Variants in CHST15 observed in about 807,000 individuals in gnomAD.
CHST15 encodes B cell RAG associated protein (GALNAC4S-6ST).
A neutral mutation model predicts 53.6 loss-of-function variants in CHST15; 30 were observed. The ratio of observed to expected loss-of-function variants is 0.56; its 90% CI spans 0.42 to 0.76. The LOEUF is 0.76. Ranked by LOEUF, CHST15 falls within the 30% of genes least tolerant of loss-of-function variation. The pLI is 0.00. For missense variants in CHST15, 627 were observed against 740.5 expected, an observed-to-expected ratio of 0.85 and a Z score of 1.78; for synonymous variants, 296 against 289.8, an observed-to-expected ratio of 1.02 and a Z score of -0.22.
intron 1 of CHST15, among the ~76,000 whole-genome samples, chr10:124,054,970 A>G (rs1590288243): frequency 6.6e-6 from 1 of 152,096 alleles, no homozygotes; most frequent in African/African-American, 2.4e-5. Context: ...TGGGAGGAGT[A>G]CCCTTCCCCT....
intron 1 of CHST15, among the ~76,000 whole-genome samples, chr10:124,072,849 C>G (rs1047394787): frequency 6.6e-6 from 1 of 152,206 alleles, no homozygotes; most frequent in Non-Finnish European, 1.5e-5. Flanking sequence ...ATCCCAGAAG[C>G]CTTATCTCTT....
Position 124,009,818 on chromosome 10 carries a change from G to A in CHST15, c.*331C>T. The A allele has an allele frequency of 9.1e-7, 1 of 1,095,544 alleles. No homozygotes were observed. The highest frequency in any genetic ancestry group is 2.7e-5 in the South Asian group (1 of 37,068). The allele number at this position is 1,095,544 out of a possible 1,614,324, so 67.9% of individuals were successfully genotyped here. A position where few individuals can be genotyped will look rare whatever the true frequency, so the allele number is the denominator to read the frequency against. On this transcript the variant is annotated 3_prime_UTR_variant, in exon 8 of 8. Coordinates refer to ENST00000435907, the MANE Select transcript of CHST15 (RefSeq NM_001270764.2). ...TCTCCAGAAGGCGGAGGCGGGCAGG[G>A]CCAGGCTGCCTTCCCTAGGTGTTCT...
chr10:124,073,005 G>A (rs1357291206), intron 1 of CHST15, among the ~76,000 whole-genome samples: 6 of 152,096 alleles, frequency 3.9e-5, no homozygotes, highest in East Asian at 1.9e-4. Context: ...AGACTCATAC[G>A]CTGCTGATGG....
At chr10:124,027,264 C>T (rs757748678) in intron 5 of CHST15, among the ~76,000 whole-genome samples, 2 of 152,014 alleles carry the variant, frequency 1.3e-5, no homozygotes, top group African/African-American at 2.4e-5. Context: ...CCTGGAGGAG[C>T]GGTGGGATGG....
intron 5 of CHST15, among the ~76,000 whole-genome samples, chr10:124,034,993 ACCCCCTAATAGGGACCCTGGCTCTAC>A (rs1947400679): frequency 3.3e-5 from 3 of 92,100 alleles, no homozygotes; most frequent in South Asian, 4.0e-4. Context: ...CCCTGGCTCT[ACCCCCTAATAGGGACCCTGGCTCTAC>A]CCCCTAACAG....
chr10:124,065,963 C>T (rs1007311161), intron 1 of CHST15, among the ~76,000 whole-genome samples: 1 of 152,180 alleles, frequency 6.6e-6, no homozygotes, highest in Non-Finnish European at 1.5e-5. Context: ...GCATTCCTTT[C>T]CCGTAAAGGA....
chr10:124,076,864 C>T (rs1381696778), intron 1 of CHST15, among the ~76,000 whole-genome samples: 1 of 152,130 alleles, frequency 6.6e-6, no homozygotes, highest in African/African-American at 2.4e-5. Flanking sequence ...CGCCTGCCAC[C>T]ACGCCCGGCT....
rs1314560012 is a variant in CHST15 at position 124,035,386 on chromosome 10, C to T, written c.1190+3129G>A. Among the ~76,000 whole-genome samples, 4 of 148,814 alleles carry T rather than the reference C, an allele frequency of 2.7e-5. No individual in the cohort carries two copies. The East Asian group carries it at 8.2e-4, about 30-fold the overall frequency. ...CACTCCCTAACAGGGACCCTGGCTC[C>T]GCCCCCTAACAGAGACCCTGGCTCC... On this transcript the variant is annotated intron_variant, in intron 5 of 7. Transcript: ENST00000435907.
chr10:124,041,317 A>C (rs1448731124), intron 4 of CHST15, among the ~76,000 whole-genome samples: 1 of 152,252 alleles, frequency 6.6e-6, no homozygotes, highest in Non-Finnish European at 1.5e-5. Context: ...TCACTATCTA[A>C]GGTAAACAAT....
intron 1 of CHST15, among the ~76,000 whole-genome samples, chr10:124,090,680 G>T (rs754810445): frequency 2.0e-4 from 30 of 152,224 alleles, no homozygotes; most frequent in Non-Finnish European, 3.8e-4. Flanking sequence ...AGCAACCAGG[G>T]ATGACAAAGG....
rs376046662 is a variant in CHST15, at chr10:124,044,851, C to G, written c.615G>C (p.Ser205=). The change falls in exon 3 of 8, where the codon TCG becomes TCC. Residue 205 remains serine (S), a synonymous_variant. Coordinates refer to ENST00000435907, the MANE Select transcript of CHST15 (RefSeq NM_001270764.2). Reference sequence around the variant, plus strand: ...GGTAGGGGTCGGTGGTGTTCTGCCCCGAGAACTCCTCGTACCAACAGGGGC... The same window carrying G: ...GGTAGGGGTCGGTGGTGTTCTGCCCGGAGAACTCCTCGTACCAACAGGGGC... ...SKSPCWYEEF[S]GQNTTDPYLT... is the part of the protein sequence containing the mutation. The G allele has an allele frequency of 1.3e-5, 20 of 1,507,032 alleles. No homozygotes were observed. Among genetic ancestry groups the G allele is most frequent in the Admixed American group, 2.2e-5 (1 of 44,858 alleles). The allele number at this position is 1,507,032 out of a possible 1,614,324, so 93.4% of individuals were successfully genotyped here. A position where few individuals can be genotyped will look rare whatever the true frequency, so the allele number is the denominator to read the frequency against.
chr10:124,067,817 A>G (rs1268240761), intron 1 of CHST15, among the ~76,000 whole-genome samples: 2 of 151,996 alleles, frequency 1.3e-5, no homozygotes, highest in African/African-American at 2.4e-5. Context: ...GGGTTTCACC[A>G]TGTTGGCCAG....
At chr10:124,022,796 T>C (rs1377036712) in intron 5 of CHST15, among the ~76,000 whole-genome samples, 1 of 149,522 alleles carries the variant, frequency 6.7e-6, no homozygotes, top group Non-Finnish European at 1.5e-5. Context: ...CCCCTCGCCC[T>C]GCTCCTTGGC....
Position 124,008,780 on chromosome 10 carries a change from T to A in CHST15, c.*1369A>T. On this transcript the variant is annotated 3_prime_UTR_variant, in exon 8 of 8. Coordinates refer to ENST00000435907, the MANE Select transcript of CHST15 (RefSeq NM_001270764.2). ...ACTTTGGTTCACAGGAAGCTTCCCT[T>A]GACAATACTTGAGTGCAAAGCTTCA... The A allele has an allele frequency of 8.5e-7, 1 of 1,170,414 alleles. No homozygotes were observed. The allele number at this position is 1,170,414 out of a possible 1,614,324, so 72.5% of individuals were successfully genotyped here.
Position 124,082,140 on chromosome 10 carries a change from T to C in CHST15, c.-513+11329A>G, listed in dbSNP as rs573642187. On this transcript the variant is annotated intron_variant, in intron 1 of 7. Transcript: ENST00000435907. ...TGAAAGGAAAACAGGCAAGAGTACA[T>C]TGGATGACTGAAAACCTTGACCCAT... Among the ~76,000 whole-genome samples the C allele has an allele frequency of 3.3e-5, 5 of 152,144 alleles. No homozygotes were observed. The South Asian group carries it at 8.3e-4, about 25-fold the overall frequency.
chr10:124,038,849 C>A (rs1023774263), intron 4 of CHST15, among the ~76,000 whole-genome samples, 178 bp from the exon 5 acceptor site: 1 of 151,856 alleles, frequency 6.6e-6, no homozygotes, highest in African/African-American at 2.4e-5. Context: ...GATGCCCCCC[C>A]CTGCCACAGC....
Position 124,008,983 on chromosome 10 carries a change from G to T in CHST15, c.*1166C>A. On this transcript the variant is annotated 3_prime_UTR_variant, in exon 8 of 8. Transcript: ENST00000435907. ...GAAACCTCATTCCAAATCTCAACAC[G>T]CCACGTTCAGCCCAAGTTCAGCTTG... The T allele has an allele frequency of 7.8e-7, 1 of 1,289,068 alleles. No homozygotes were observed. Among genetic ancestry groups the T allele is most frequent in the Non-Finnish European group, 1.0e-6 (1 of 988,672 alleles). The allele number at this position is 1,289,068 out of a possible 1,614,324, so 79.9% of individuals were successfully genotyped here.
intron 7 of CHST15, chr10:124,010,973 T>C (rs777997411): frequency 4.1e-5 from 40 of 985,058 alleles, no homozygotes; most frequent in Non-Finnish European, 4.2e-5. Context: ...CGCCCCGCCC[T>C]CTGGAGTGAG....
rs1946427924 is a variant in CHST15 at position 124,011,907 on chromosome 10, T to G, written c.1495+426A>C. 2.2e-5 allele frequency: 21 copies of G among 963,044 alleles called. No individual in the cohort carries two copies. The South Asian group carries it at 9.1e-4, about 42-fold the overall frequency. 59.7% of individuals were successfully genotyped at this position (963,044 alleles called of 1,614,324 possible). ...CAGCCCCCCGGTGACATCCTGTTGG[T>G]CCTACAAAGCTCAGCTCTCAGGCCC... On this transcript the variant is annotated intron_variant, in intron 7 of 7. Coordinates refer to ENST00000435907, the MANE Select transcript of CHST15 (RefSeq NM_001270764.2).
Sources: gnomAD v4.1 joint callset for allele counts (sites outside exome capture counted in the v4.1 genomes callset) on GRCh38, gnomAD v4.1.1 for gene constraint, MANE v1.5 for transcripts, NCBI Gene and HGNC (gene_info 2026-07-23, HGNC 2026-07-21) for gene names.